Variants in TBXAS1 observed in about 807,000 individuals in gnomAD.
TBXAS1 encodes the protein thromboxane A synthase 1.
A neutral mutation model predicts 60.7 loss-of-function variants in TBXAS1; 48 were observed. The ratio of observed to expected loss-of-function variants is 0.79; its 90% CI spans 0.63 to 1.01. TBXAS1 has a LOEUF of 1.01. TBXAS1 is among the 50% of genes least tolerant of loss of function. The pLI is 0.00. For missense variants in TBXAS1, 685 were observed against 686.3 expected (o/e 1.00, Z 0.02); for synonymous variants, 287 against 269.7 (o/e 1.06, Z -0.63).
intron 3 of TBXAS1, among the ~76,000 whole-genome samples, chr7:139,904,578 G>A (rs1804824251): frequency 6.6e-6 from 1 of 152,166 alleles, no homozygotes; most frequent in Non-Finnish European, 1.5e-5. Context: ...CCATCCATGA[G>A]CATGGGATGT....
At chr7:139,845,575 T>C (rs1281026745) in intron 1 of TBXAS1, among the ~76,000 whole-genome samples, 1 of 152,154 alleles carries the variant, frequency 6.6e-6, no homozygotes, top group African/African-American at 2.4e-5. Flanking sequence ...TCCTCATCTT[T>C]AGCTGAGCAC....
chr7:139,795,351 T>C (rs1261462541), intron 4 of TBXAS1, among the ~76,000 whole-genome samples: 43 of 107,220 alleles, frequency 4.0e-4, no homozygotes, highest in African/African-American at 1.7e-3. Flanking sequence ...CGCCCACTTT[T>C]TGATGGGGTT....
At position 139,876,649 on chromosome 7, in the gene TBXAS1, C is replaced by T. The variant is rs559372631; in HGVS notation, c.236+1012C>T. On this transcript the variant is annotated intron_variant, in intron 3 of 12. Transcript: ENST00000448866. The stretch of plus-strand genomic sequence containing the variant: ...GTCCTCTTTATGGAAATGGCCCCTC[C>T]TAGGAAGCCCACAGTTTTGGTCAAG... Among the ~76,000 whole-genome samples the T allele has an allele frequency of 5.9e-5, 9 of 152,126 alleles. No individual in the cohort carries two copies. The South Asian group carries it at 1.9e-3, about 32-fold the overall frequency.
chr7:139,893,842 G>A (rs540901143), intron 3 of TBXAS1, among the ~76,000 whole-genome samples: 8 of 152,338 alleles, frequency 5.3e-5, no homozygotes, highest in African/African-American at 1.9e-4. Flanking sequence ...GAATAAATTA[G>A]ATGGGTGGGT....
In TBXAS1 at chr7:139,916,328, T is replaced by C. The variant is rs900581955; in HGVS notation, c.333+5007T>C. ...TTAGCTTGGTCTGGTCAGATAGGCATGTCAGGGATGTGTCAAAACACTAAG... is the reference window on the plus strand; with the variant it reads ...TTAGCTTGGTCTGGTCAGATAGGCACGTCAGGGATGTGTCAAAACACTAAG... On this transcript the variant is annotated intron_variant, in intron 4 of 12. Coordinates refer to ENST00000448866, the MANE Select transcript of TBXAS1 (RefSeq NM_001061.7). This position sits in a 1 kb window ranked among gnomAD's most constrained non-coding sequence, Gnocchi z 4.2. 2.6e-5 allele frequency among the ~76,000 whole-genome samples: 4 copies of C among 152,176 alleles called. No individual in the cohort carries two copies. Among genetic ancestry groups the C allele is most frequent in the Non-Finnish European group, 2.9e-5 (2 of 68,030 alleles).
chr7:139,984,829 G>GAA (rs1170546454), intron 9 of TBXAS1, among the ~76,000 whole-genome samples: 1 of 134,386 alleles, frequency 7.4e-6, no homozygotes, highest in African/African-American at 2.8e-5. Context: ...GAAGAAGAAA[G>GAA]AAAGAGGAAG....
At chr7:139,905,993 G>T in intron 3 of TBXAS1, 1 of 199,942 alleles carries the variant, frequency 5.0e-6, no homozygotes, top group South Asian at 5.6e-5. Flanking sequence ...ATTTAATTCT[G>T]TAGTCCATTT....
At chr7:139,979,713 G>A (rs866081680) in intron 9 of TBXAS1, among the ~76,000 whole-genome samples, 6 of 143,536 alleles carry the variant, frequency 4.2e-5, no homozygotes, top group Non-Finnish European at 7.5e-5. Context: ...GGGCAACAGA[G>A]CAAGATTCCA....
intron 9 of TBXAS1, among the ~76,000 whole-genome samples, chr7:140,006,585 T>G (rs576244383): frequency 2.6e-5 from 4 of 152,346 alleles, no homozygotes; most frequent in Admixed American, 1.3e-4. Flanking sequence ...AGCTCTTTGG[T>G]TTTTGTTACT....
intron 9 of TBXAS1, chr7:139,962,558 G>A (rs934819736): frequency 2.0e-5 from 7 of 354,280 alleles, no homozygotes; most frequent in Non-Finnish European, 3.8e-5. Context: ...AGGAGTCATG[G>A]CTTCCCAATA....
chr7:139,793,117 T>TA (rs34467392), intron 4 of TBXAS1, among the ~76,000 whole-genome samples: 8 of 152,110 alleles, frequency 5.3e-5, no homozygotes, highest in African/African-American at 1.7e-4. Flanking sequence ...TAATACAATT[T>TA]AAAAAGTACT....
chr7:139,812,855 A>C (rs1798051806), intron 4 of TBXAS1, among the ~76,000 whole-genome samples: 1 of 152,046 alleles, frequency 6.6e-6, no homozygotes, highest in Non-Finnish European at 1.5e-5. Context: ...TCAGGAGTTC[A>C]AGGCCAGCCT....
intron 5 of TBXAS1, among the ~76,000 whole-genome samples, chr7:139,943,836 C>T (rs1459566552): frequency 1.3e-5 from 2 of 152,056 alleles, no homozygotes; most frequent in Non-Finnish European, 2.9e-5. Context: ...ATTTGTTGGT[C>T]ACCAGTTTAG....
chr7:139,984,907 GGAAA>G lies in TBXAS1; in HGVS notation c.1135-22172_1135-22169del, dbSNP rs200837453. ...AGAAAGAAAGCAGCAAAGAAAGAAA[GGAAA>G]GAAAGAAAGAAGGAAAGAAAGAAAG... On this transcript the variant is annotated intron_variant, in intron 9 of 12. Coordinates refer to ENST00000448866, the MANE Select transcript of TBXAS1 (RefSeq NM_001061.7). 1.4e-3 allele frequency among the ~76,000 whole-genome samples: 173 copies of G among 119,398 alleles called. 1 individual carries two copies. The Middle Eastern group carries it at 0.019, about 13-fold the overall frequency. The allele number at this position is 119,398 out of a possible 152,430, so 78.3% of individuals were successfully genotyped here.
At chr7:139,978,034 G>A (rs1811686037) in intron 9 of TBXAS1, among the ~76,000 whole-genome samples, 1 of 151,996 alleles carries the variant, frequency 6.6e-6, no homozygotes, top group Non-Finnish European at 1.5e-5. Flanking sequence ...CGATGTCGGG[G>A]GTATTGTCCA....
At chr7:139,838,905 A>G (rs1799244189) in intron 1 of TBXAS1, among the ~76,000 whole-genome samples, 3 of 152,220 alleles carry the variant, frequency 2.0e-5, no homozygotes, top group Admixed American at 6.5e-5. Flanking sequence ...GACGATTAAC[A>G]CACAAGATAA....
At chr7:139,881,956 A>G (rs1802732695) in intron 3 of TBXAS1, among the ~76,000 whole-genome samples, 1 of 152,220 alleles carries the variant, frequency 6.6e-6, no homozygotes, top group African/African-American at 2.4e-5. Context: ...AAGGAAAAGC[A>G]TGTGGCATCA....
At chr7:139,887,942 A>G (rs1477913374) in intron 3 of TBXAS1, among the ~76,000 whole-genome samples, 3 of 152,014 alleles carry the variant, frequency 2.0e-5, no homozygotes, top group Non-Finnish European at 4.4e-5. Context: ...TGTGGCCATT[A>G]CTTCTTGTTT....
chr7:139,938,938 T>G (rs1808039179), intron 5 of TBXAS1, among the ~76,000 whole-genome samples: 1 of 152,236 alleles, frequency 6.6e-6, no homozygotes, highest in Admixed American at 6.5e-5. Context: ...CTCCAGAAAG[T>G]GACACATTGT....
Sources: allele counts gnomAD v4.1 joint callset (sites outside exome capture counted in the v4.1 genomes callset), GRCh38; gene constraint gnomAD v4.1.1; non-coding constraint Gnocchi (gnomAD v3.1); transcripts MANE v1.5; gene names NCBI Gene and HGNC (gene_info 2026-07-23, HGNC 2026-07-21).